The following SOX6 variants were observed in gnomAD, a reference collection of about 807,000 sequenced individuals.
SOX6 encodes the protein transcription factor SOX-6.
A neutral mutation model predicts 97.8 loss-of-function variants in SOX6; 11 were observed. The ratio of observed to expected loss-of-function variants is 0.11; its 90% confidence interval spans 0.07 to 0.19. The LOEUF (loss-of-function observed/expected upper bound fraction) is 0.19. Among genes scored for constraint, SOX6 ranks in the 10% least tolerant of loss-of-function variants. SOX6 has a pLI of 1.00. For missense variants in SOX6, 810 were observed against 1,039.5 expected, an observed-to-expected ratio of 0.78 and a Z score of 3.04; for synonymous variants, 360 against 371.4, an observed-to-expected ratio of 0.97 and a Z score of 0.35.
intron 15 of SOX6, among the ~76,000 whole-genome samples, chr11:15,985,823 G>C (rs760238789): frequency 6.6e-6 from 1 of 152,144 alleles, no homozygotes; most frequent in Admixed American, 6.5e-5. Flanking sequence ...TGTGATTAGA[G>C]TCAGAAGCAC....
intron 1 of SOX6, chr11:16,402,569 G>A (rs1858587679): frequency 3.0e-6 from 4 of 1,315,942 alleles, no homozygotes; most frequent in Non-Finnish European, 4.4e-6. Flanking sequence ...TGGAATCTCA[G>A]AGATGGTGAC....
At chr11:16,097,256 A>T (rs1376187765) in intron 8 of SOX6, among the ~76,000 whole-genome samples, 1 of 151,862 alleles carries the variant, frequency 6.6e-6, no homozygotes, top group Non-Finnish European at 1.5e-5. Flanking sequence ...TTTTGTTTCA[A>T]TTTTTATATG....
At chr11:16,198,030 G>A (rs2134122562) in intron 4 of SOX6, among the ~76,000 whole-genome samples, 1 of 1,670 alleles carries the variant, frequency 6.0e-4, no homozygotes, top group Admixed American at 0.019. Context: ...ATTTCCTGTT[G>A]TTGTTGTTGT....
intron 1 of SOX6, among the ~76,000 whole-genome samples, chr11:16,350,049 C>T (rs1247968194): frequency 3.3e-5 from 5 of 152,132 alleles, no homozygotes; most frequent in African/African-American, 9.7e-5. Context: ...AAGGGGGAGG[C>T]ACTGACTACA....
chr11:16,111,639 A>T (rs1849232355), intron 7 of SOX6, among the ~76,000 whole-genome samples, 164 bp downstream of exon 7: 1 of 152,236 alleles, frequency 6.6e-6, no homozygotes. Flanking sequence ...CAATTAGTTT[A>T]TTACAATGCC....
intron 1 of SOX6, among the ~76,000 whole-genome samples, chr11:16,349,033 C>T (rs1856839163): frequency 6.6e-6 from 1 of 152,016 alleles, no homozygotes; most frequent in African/African-American, 2.4e-5. Context: ...TCTCAGTAAC[C>T]TGAAGCTAAA....
intron 9 of SOX6, among the ~76,000 whole-genome samples, chr11:16,065,959 C>G (rs1459229277): frequency 6.6e-6 from 1 of 152,064 alleles, no homozygotes; most frequent in Non-Finnish European, 1.5e-5. Context: ...AGGAAACAAT[C>G]AACAAAGTGA....
intron 2 of SOX6, among the ~76,000 whole-genome samples, chr11:16,323,033 T>C (rs926554949): frequency 1.3e-5 from 2 of 152,080 alleles, no homozygotes; most frequent in African/African-American, 4.8e-5. Context: ...TCAAAGGAAA[T>C]GTACTATAAA....
chr11:16,056,946 G>A (rs937456405), intron 9 of SOX6, among the ~76,000 whole-genome samples: 2 of 151,974 alleles, frequency 1.3e-5, no homozygotes, highest in Non-Finnish European at 1.5e-5. Context: ...AGTACTTGAA[G>A]GTTTTAAAAA....
chr11:16,495,722 C>G (rs1424961108), intron 4 of SOX6, among the ~76,000 whole-genome samples: 1 of 152,180 alleles, frequency 6.6e-6, no homozygotes, highest in Non-Finnish European at 1.5e-5. Context: ...TCCACCCACT[C>G]AGGCCACCAT....
chr11:16,270,191 A>G (rs1854210420), intron 3 of SOX6: 1 of 151,468 alleles, frequency 6.6e-6, no homozygotes, highest in Non-Finnish European at 1.5e-5. Context: ...TTGAACAGGC[A>G]TTTCTCCAAA....
intron 2 of SOX6, among the ~76,000 whole-genome samples, chr11:16,722,019 A>G (rs919157114): frequency 1.2e-4 from 19 of 152,098 alleles, no homozygotes; most frequent in Non-Finnish European, 1.8e-4. Context: ...CCTTCCTTAC[A>G]CAAAAATCAA....
At chr11:16,004,464 G>C (rs927357655) in intron 13 of SOX6, among the ~76,000 whole-genome samples, 3 of 151,860 alleles carry the variant, frequency 2.0e-5, no homozygotes, top group African/African-American at 4.8e-5. Context: ...CATTAGAATG[G>C]AAAATACATA....
At chr11:16,145,815 A>G (rs911589405) in intron 6 of SOX6, among the ~76,000 whole-genome samples, 1 of 152,220 alleles carries the variant, frequency 6.6e-6, no homozygotes, top group African/African-American at 2.4e-5. Flanking sequence ...GACCTCTTCA[A>G]GGAGAACTAC....
At chr11:16,268,859 T>C (rs1191739785) in intron 3 of SOX6, among the ~76,000 whole-genome samples, 1 of 150,982 alleles carries the variant, frequency 6.6e-6, no homozygotes, top group Non-Finnish European at 1.5e-5. Flanking sequence ...TATGGACAAA[T>C]ATTTTCTCTC....
chr11:16,004,493 C>T (rs1854495305), intron 13 of SOX6, among the ~76,000 whole-genome samples: 1 of 151,682 alleles, frequency 6.6e-6, no homozygotes, highest in Admixed American at 6.6e-5. Context: ...GTAGCAGAAA[C>T]TAATTTTTTT....
Position 16,375,987 on chromosome 11 carries a change from A to G in SOX6, c.-4-34735T>C, listed in dbSNP as rs1257469159. Among the ~76,000 whole-genome samples the G allele has an allele frequency of 7.9e-5, 12 of 152,168 alleles. No homozygotes were observed. The East Asian group carries it at 2.3e-3, about 29-fold the overall frequency. ...AGTGGGAGTTGAACAATGAGAACAC[A>G]TGGACACAGGGAGGGAAACATCACA... On this transcript the variant is annotated intron_variant, in intron 1 of 15. Transcript: ENST00000396356.
chr11:16,271,165 C>T (rs1854248861), intron 3 of SOX6, among the ~76,000 whole-genome samples: 1 of 151,012 alleles, frequency 6.6e-6, no homozygotes, highest in African/African-American at 2.4e-5. Flanking sequence ...TTCCTTAGAT[C>T]CATAAATATA....
chr11:16,404,254 CT>C (rs1182276792), intron 1 of SOX6, among the ~76,000 whole-genome samples: 1 of 151,804 alleles, frequency 6.6e-6, no homozygotes, highest in African/African-American at 2.4e-5. Flanking sequence ...TCAAACTGTG[CT>C]TTGCTTCATT....
Sources: allele counts gnomAD v4.1 joint callset (sites outside exome capture counted in the v4.1 genomes callset), GRCh38; gene constraint gnomAD v4.1.1; transcripts MANE v1.5; gene names NCBI Gene and HGNC (gene_info 2026-07-23, HGNC 2026-07-21).